Variants in SELE observed in about 807,000 individuals in gnomAD.
The protein encoded by SELE is E-selectin.
Under a neutral mutation model 75.8 loss-of-function variants are expected in SELE, and 52 were observed. The ratio of observed to expected loss-of-function variants is 0.69; its 90% CI spans 0.55 to 0.86. SELE has a LOEUF of 0.86. Among genes scored for constraint, SELE ranks in the 40% least tolerant of loss-of-function variants. SELE has a pLI of 0.00. For missense variants in SELE, 754 were observed against 732.7 expected (o/e 1.03, Z -0.34); for synonymous variants, 285 against 258.7 (o/e 1.10, Z -0.98).
intron 11 of SELE, 86 bp from the exon 12 acceptor site, chr1:169,726,014 C>T (rs1648754501): frequency 4.7e-6 from 7 of 1,492,724 alleles, no homozygotes; most frequent in African/African-American, 1.4e-5. Flanking sequence ...TGACTTAATT[C>T]ATCAAGTGTT....
chr1:169,729,308 C>G lies in SELE; in HGVS notation c.968G>C (p.Gly323Ala), dbSNP rs1030347465. The G allele has an allele frequency of 9.3e-6, 15 of 1,614,084 alleles. No homozygotes were observed. Among genetic ancestry groups the G allele is most frequent in the Non-Finnish European group, 1.3e-5 (15 of 1,180,010 alleles). ...GCAGGATGATTTGAAGGTGAACTCTCCAGCAGGGGAATGGCTGCACCTCAC... is the reference window on the plus strand; with the variant it reads ...GCAGGATGATTTGAAGGTGAACTCTGCAGCAGGGGAATGGCTGCACCTCAC... ...GSVRCSHSPA[G>A]EFTFKSSCNF... The change falls in exon 7 of 14, where the codon GGA becomes GCA. Residue 323 changes from glycine (G) to alanine (A), a missense_variant. Coordinates refer to ENST00000333360, the MANE Select transcript of SELE (RefSeq NM_000450.2).
chr1:169,732,553 G>A, intron 3 of SELE, 62 bp downstream of exon 3: 2 of 1,508,098 alleles, frequency 1.3e-6, no homozygotes, highest in South Asian at 1.4e-5. Context: ...TTTGCATGCT[G>A]TAAATTTGCC....
Position 169,734,038 on chromosome 1 carries a change from G to A in SELE, c.-116C>T. On this transcript the variant is annotated 5_prime_UTR_variant, in exon 1 of 14. Transcript: ENST00000333360. ...GGTATCACTGCTGCCTCTGTCTCAG[G>A]TCAGTATAGGAGTTTTGATGTGAAG... is the stretch of plus-strand genomic sequence containing the variant. 5.4e-6 allele frequency: 1 copy of A among 184,048 alleles called. No individual in the cohort carries two copies. The highest frequency in any genetic ancestry group is 1.1e-5 in the Non-Finnish European group (1 of 87,526). The allele number at this position is 184,048 out of a possible 1,614,324, so 11.4% of individuals were successfully genotyped here. A position where few individuals can be genotyped will look rare whatever the true frequency, so the allele number is the denominator to read the frequency against.
rs1648849099 is a variant in SELE at position 169,729,263 on chromosome 1, C to G, written c.1013G>C (p.Gly338Ala). 2 of 1,614,116 alleles carry G rather than the reference C, an allele frequency of 1.2e-6. No individual in the cohort carries two copies. Among genetic ancestry groups the G allele is most frequent in the Non-Finnish European group, 1.7e-6 (2 of 1,180,010 alleles). The change falls in exon 7 of 14, where the codon GGC (glycine) becomes GCC (alanine). Residue 338 changes from glycine (G) to alanine (A), a missense_variant. Physicochemically the swap from Gly to Ala is moderately conservative, Grantham distance 60. Coordinates refer to ENST00000333360, the MANE Select transcript of SELE (RefSeq NM_000450.2). ...CTGGGCTGGTCCCTGCAACATGAAG[C>G]CTTCCTCACAGGTGAAGTTGCAGGA... ...KSSCNFTCEE[G>A]FMLQGPAQVE...
intron 11 of SELE, among the ~76,000 whole-genome samples, chr1:169,726,246 A>G (rs1422374546): frequency 6.6e-6 from 1 of 152,226 alleles, no homozygotes; most frequent in Non-Finnish European, 1.5e-5. Flanking sequence ...TAAACGTCAG[A>G]ACTTAACTCA....
At position 169,725,931 on chromosome 1, in the gene SELE, G is replaced by A; in HGVS notation, c.1754-3C>T. The stretch of plus-strand genomic sequence containing the variant: ...CCTGGCAGGAACAAATTTCTTTGCT[G>A]CAAAAGAAAAGACAAACAACCATTA... On this transcript the variant is annotated splice_polypyrimidine_tract_variant and splice_region_variant and intron_variant, in intron 11 of 13. Transcript: ENST00000333360. 6.2e-7 allele frequency: 1 copy of A among 1,613,802 alleles called. No homozygotes were observed.
chr1:169,728,136 C>A lies in SELE; in HGVS notation c.1201G>T (p.Gly401Cys), dbSNP rs1648821862. The A allele has an allele frequency of 5.6e-6, 9 of 1,614,094 alleles. No individual in the cohort carries two copies. The East Asian group carries it at 1.8e-4, about 32-fold the overall frequency. ...GSSCEFSCEQ[G>C]FVLKGSKRLQ... ...CTTTTGGATCCCTTCAACACAAAAC[C>A]CTGCTCACAGGAGAACTCACAGCTG... is the stretch of plus-strand genomic sequence containing the variant. The change falls in exon 8 of 14, where the codon GGT becomes TGT. Residue 401 changes from glycine to cysteine, a missense_variant. Coordinates refer to ENST00000333360, the MANE Select transcript of SELE (RefSeq NM_000450.2).
intron 2 of SELE, among the ~76,000 whole-genome samples, 200 bp from the exon 3 acceptor site, chr1:169,733,198 A>G (rs56230202): frequency 0.078 from 11,844 of 152,248 alleles, 558 homozygotes; most frequent in Non-Finnish European, 0.11. Context: ...CCCACTAGGT[A>G]CCTTATCCAC....
At chr1:169,730,979 A>G (rs1211949692) in intron 4 of SELE, among the ~76,000 whole-genome samples, 1 of 152,200 alleles carries the variant, frequency 6.6e-6, no homozygotes, top group Non-Finnish European at 1.5e-5. Context: ...TAAAAATACT[A>G]CAGTAAGCTT....
rs1278359177 is a variant in SELE, at chr1:169,723,317, A to G, written c.*1208T>C. The G allele has an allele frequency of 6.6e-6, 1 of 152,232 alleles. No homozygotes were observed. Among genetic ancestry groups the G allele is most frequent in the Non-Finnish European group, 1.5e-5 (1 of 68,036 alleles). The allele number at this position is 152,232 out of a possible 1,614,324, so 9.4% of individuals were successfully genotyped here. On this transcript the variant is annotated 3_prime_UTR_variant, in exon 14 of 14. Coordinates refer to ENST00000333360, the MANE Select transcript of SELE (RefSeq NM_000450.2). The stretch of plus-strand genomic sequence containing the variant: ...AAAATCTACCAGATGACTCTTTTAC[A>G]TGGTGAGTTTCTATTGTGAATTTAA...
rs1161633986 is a variant in SELE at position 169,723,576 on chromosome 1, T to A, written c.*949A>T. The A allele has an allele frequency of 6.6e-6, 1 of 152,234 alleles. No individual in the cohort carries two copies. Among genetic ancestry groups the A allele is most frequent in the Non-Finnish European group, 1.5e-5 (1 of 68,032 alleles). 9.4% of individuals were successfully genotyped at this position (152,234 alleles called of 1,614,324 possible). On this transcript the variant is annotated 3_prime_UTR_variant, in exon 14 of 14. Transcript: ENST00000333360. ...AAAAATATCTGACAATATACAAACC[T>A]TCCATTCAGTTTTTACTCTCCAATT...
intron 4 of SELE, 76 bp from the exon 5 acceptor site, chr1:169,730,693 G>GT: frequency 1.3e-6 from 1 of 766,194 alleles, no homozygotes. Flanking sequence ...TAGAACTACA[G>GT]TTTGGTTTTT....
chr1:169,731,661 T>C, intron 4 of SELE, 174 bp downstream of exon 4: 3 of 533,766 alleles, frequency 5.6e-6, no homozygotes, highest in Non-Finnish European at 6.8e-6. Flanking sequence ...AAATAACTGG[T>C]GAATCTAGGA....
In SELE at chr1:169,724,011, G is replaced by C. The variant is rs1571142672; in HGVS notation, c.*514C>G. 6.6e-6 allele frequency: 1 copy of C among 152,270 alleles called. No individual in the cohort carries two copies. Among genetic ancestry groups the C allele is most frequent in the East Asian group, 1.9e-4 (1 of 5,184 alleles). The allele number at this position is 152,270 out of a possible 1,614,324, so 9.4% of individuals were successfully genotyped here. On this transcript the variant is annotated 3_prime_UTR_variant, in exon 14 of 14. Transcript: ENST00000333360. Reference sequence around the variant, plus strand: ...AACAACCCTCCATGCATTTGCCTGTGGGCATTCAACATCTGTCATTTTTTT... The same window carrying C: ...AACAACCCTCCATGCATTTGCCTGTCGGCATTCAACATCTGTCATTTTTTT...
intron 2 of SELE, 40 bp from the exon 3 acceptor site, chr1:169,733,038 C>G (rs917575814): frequency 4.6e-6 from 7 of 1,513,370 alleles, no homozygotes; most frequent in Non-Finnish European, 6.1e-6. Flanking sequence ...GAGTTTGGTA[C>G]TGTTGTGGTT....
Position 169,733,667 on chromosome 1 carries a change from A to T in SELE, c.-48-7T>A, listed in dbSNP as rs1416583636. ...TTAGGCTTGAAATACTTTCCTGGGG[A>T]GATAAAACACAAAATGAATTAAAGA... is the stretch of plus-strand genomic sequence containing the variant. On this transcript the variant is annotated splice_region_variant and splice_polypyrimidine_tract_variant and intron_variant, in intron 1 of 13. Coordinates refer to ENST00000333360, the MANE Select transcript of SELE (RefSeq NM_000450.2). The T allele has an allele frequency of 1.3e-6, 2 of 1,533,330 alleles. No individual in the cohort carries two copies. The highest frequency in any genetic ancestry group is 1.8e-6 in the Non-Finnish European group (2 of 1,106,810). The allele number at this position is 1,533,330 out of a possible 1,614,324, so 95.0% of individuals were successfully genotyped here. A position where few individuals can be genotyped will look rare whatever the true frequency, so the allele number is the denominator to read the frequency against.
chr1:169,731,500 G>T, intron 4 of SELE: 2 of 213,446 alleles, frequency 9.4e-6, no homozygotes, highest in South Asian at 7.3e-5. Context: ...CATGTTCCTC[G>T]CAGGGACACA....
rs763606195 is a variant in SELE, at chr1:169,729,652, G to A, written c.737C>T (p.Thr246Ile). ...TTCCACGAACCCATTGGCTGGATTT[G>A]TCACAGCATCACACTCAACCACTGA... is the stretch of plus-strand genomic sequence containing the variant. ...ACNVVECDAVTNPANGFVECF... is the reference protein window; with the variant it reads ...ACNVVECDAVINPANGFVECF... The change falls in exon 6 of 14, where the codon ACA becomes ATA. Residue 246 changes from threonine (T) to isoleucine (I), a missense_variant. By Grantham distance (89) the Thr-to-Ile change is moderately conservative. Coordinates refer to ENST00000333360, the MANE Select transcript of SELE (RefSeq NM_000450.2). 1 of 1,614,068 alleles carries A rather than the reference G, an allele frequency of 6.2e-7. No homozygotes were observed. The highest frequency in any genetic ancestry group is 1.7e-5 in the Admixed American group (1 of 60,020).
rs1273739481 is a variant in SELE, at chr1:169,732,677, T to C, written c.359A>G (p.Lys120Arg). The change falls in exon 3 of 14, where the codon AAA becomes AGA. Residue 120 changes from lysine to arginine, a missense_variant. Physicochemically the swap from Lys to Arg is conservative, Grantham distance 26. Coordinates refer to ENST00000333360, the MANE Select transcript of SELE (RefSeq NM_000450.2). ...CTCATCATTCCACATGCCCACATCT[T>C]TTTCTCTCTTGATGTAGATCTCCAC... is the stretch of plus-strand genomic sequence containing the variant. ...DCVEIYIKRE[K>R]DVGMWNDERC... The C allele has an allele frequency of 3.1e-6, 5 of 1,613,582 alleles. No homozygotes were observed. The highest frequency in any genetic ancestry group is 4.2e-6 in the Non-Finnish European group (5 of 1,179,902).
Sources: allele counts gnomAD v4.1 joint callset (sites outside exome capture counted in the v4.1 genomes callset), GRCh38; gene constraint gnomAD v4.1.1; transcripts MANE v1.5; gene names NCBI Gene and HGNC (gene_info 2026-07-23, HGNC 2026-07-21).